HNRNPA2B1: variants seen among roughly 807,000 people sequenced by gnomAD.
HNRNPA2B1 encodes the protein heterogeneous nuclear ribonucleoprotein A2/B1, also known as heterogeneous nuclear ribonucleoproteins A2/B1.
Under a neutral mutation model 46.3 loss-of-function variants are expected in HNRNPA2B1, and 3 were observed. The ratio of observed to expected loss-of-function variants is 0.06; its 90% CI spans 0.03 to 0.17. The LOEUF (loss-of-function observed/expected upper bound fraction) is 0.17, where lower values mean the gene tolerates loss of function less well. Ranked by LOEUF, HNRNPA2B1 falls within the 10% of genes least tolerant of loss-of-function variation. The pLI is 1.00. For synonymous variants in HNRNPA2B1, 225 were observed against 133.8 expected, an observed-to-expected ratio of 1.68 and a Z score of -4.70; for missense variants, 221 against 418.9, an observed-to-expected ratio of 0.53 and a Z score of 4.12.
chr7:26,196,045 A>G (rs1277185891), intron 6 of HNRNPA2B1, 136 bp from the exon 7 acceptor site: 1 of 1,235,626 alleles, frequency 8.1e-7, no homozygotes, highest in Middle Eastern at 2.0e-4. Flanking sequence ...CTACCAGTTT[A>G]CCCACAAAAC....
intron 1 of HNRNPA2B1, chr7:26,198,647 C>G (rs1466991283): frequency 6.6e-6 from 1 of 152,250 alleles, no homozygotes; most frequent in Non-Finnish European, 1.5e-5. Flanking sequence ...GAGCTGAAAT[C>G]TTTATATGCT....
At chr7:26,194,258 T>C (rs1464982216) in intron 7 of HNRNPA2B1, among the ~76,000 whole-genome samples, 1 of 151,976 alleles carries the variant, frequency 6.6e-6, no homozygotes, top group Non-Finnish European at 1.5e-5. Flanking sequence ...TAGCCGGACA[T>C]GGTGGCAGCA....
chr7:26,197,676 T>C lies in HNRNPA2B1; in HGVS notation c.63A>G (p.Thr21=), dbSNP rs1004297557. ...CGTAGTAGTTCCTCAAACTTTCTTC[T>C]GTGGTTTCAAAGCTTAAGCCACCAA... ...LFIGGLSFET[T]EESLRNYYEQ... Residue 21 remains threonine, a synonymous_variant, in exon 2 of 11, where the codon ACA becomes ACG. Transcript: ENST00000618183. 3 of 1,614,090 alleles carry C rather than the reference T, an allele frequency of 1.9e-6. No individual in the cohort carries two copies. Among genetic ancestry groups the C allele is most frequent in the Non-Finnish European group, 2.5e-6 (3 of 1,179,978 alleles).
intron 1 of HNRNPA2B1, chr7:26,198,328 C>T (rs890075555): frequency 6.5e-6 from 1 of 152,936 alleles, no homozygotes; most frequent in Non-Finnish European, 1.5e-5. Flanking sequence ...ATATGACTCT[C>T]AGTTACGAAA....
In HNRNPA2B1 at chr7:26,193,566, A is replaced by C; in HGVS notation, c.841+9T>G. 6.3e-7 allele frequency: 1 copy of C among 1,577,096 alleles called. No homozygotes were observed. ...ATTCCCACATAAAGGTTGCAGGTGA[A>C]TTTATTACCTCCTCCATAGTTGTCA... On this transcript the variant is annotated intron_variant, in intron 8 of 10. Coordinates refer to ENST00000618183, the MANE Select transcript of HNRNPA2B1 (RefSeq NM_002137.4).
chr7:26,197,672 C>G lies in HNRNPA2B1; in HGVS notation c.67G>C (p.Glu23Gln), dbSNP rs1167109409. 6.2e-7 allele frequency: 1 copy of G among 1,614,008 alleles called. No individual in the cohort carries two copies. Among genetic ancestry groups the G allele is most frequent in the Non-Finnish European group, 8.5e-7 (1 of 1,179,974 alleles). The change falls in exon 2 of 11, where the codon GAA (glutamate) becomes CAA (glutamine). Residue 23 changes from glutamate to glutamine, a missense_variant. Physicochemically the swap from Glu to Gln is conservative, Grantham distance 29. This residue lies in a region of HNRNPA2B1 where 78 missense variants were observed against 218.5 expected (regional missense o/e 0.36). Coordinates refer to ENST00000618183, the MANE Select transcript of HNRNPA2B1 (RefSeq NM_002137.4). Reference protein sequence around the residue: ...IGGLSFETTEESLRNYYEQWG... With the variant: ...IGGLSFETTEQSLRNYYEQWG... Reference sequence around the variant, plus strand: ...TGTTCGTAGTAGTTCCTCAAACTTTCTTCTGTGGTTTCAAAGCTTAAGCCA... The same window carrying G: ...TGTTCGTAGTAGTTCCTCAAACTTTGTTCTGTGGTTTCAAAGCTTAAGCCA...
intron 1 of HNRNPA2B1, chr7:26,199,001 C>A (rs1038085788): frequency 1.4e-4 from 22 of 152,296 alleles, no homozygotes; most frequent in African/African-American, 5.3e-4. Context: ...ATCAAACTAG[C>A]TCCTATGAGA....
rs1436007509 is a variant in HNRNPA2B1, at chr7:26,200,737, T to TGCTGCTACTGCCGCTAGA, written c.-161_-160insTCTAGCGGCAGTAGCAGC. ...AGCACCTCCGCACGGGACCCGGCGC[T>TGCTGCTACTGCCGCTAGA]GCTGCTACTGCCGCTAGAGCCGCTG... On this transcript the variant is annotated 5_prime_UTR_variant, in exon 1 of 11. Transcript: ENST00000618183. 3.5e-6 allele frequency: 3 copies of TGCTGCTACTGCCGCTAGA among 863,930 alleles called. No individual in the cohort carries two copies. Among genetic ancestry groups the TGCTGCTACTGCCGCTAGA allele is most frequent in the Non-Finnish European group, 5.7e-6 (3 of 524,768 alleles). 53.5% of individuals were successfully genotyped at this position (863,930 alleles called of 1,614,324 possible).
intron 7 of HNRNPA2B1, among the ~76,000 whole-genome samples, chr7:26,195,004 G>T (rs779300598): frequency 6.9e-6 from 1 of 145,124 alleles, no homozygotes; most frequent in Non-Finnish European, 1.5e-5. Flanking sequence ...TGAGGCAGGA[G>T]AATCACTTGG....
At chr7:26,197,847 G>A in intron 1 of HNRNPA2B1, 115 bp from the exon 2 acceptor site, 1 of 1,599,304 alleles carries the variant, frequency 6.3e-7, no homozygotes, top group Non-Finnish European at 8.5e-7. Context: ...CCTCTCCAAA[G>A]GAACAGTTTC....
intron 7 of HNRNPA2B1, among the ~76,000 whole-genome samples, chr7:26,194,768 T>C (rs1783326117): frequency 1.3e-5 from 2 of 150,254 alleles, no homozygotes; most frequent in South Asian, 4.2e-4. Flanking sequence ...TAAACAAAAA[T>C]TTACACTTTC....
chr7:26,192,924 T>C (rs990224223), intron 9 of HNRNPA2B1, among the ~76,000 whole-genome samples: 3 of 152,124 alleles, frequency 2.0e-5, no homozygotes, highest in Admixed American at 2.0e-4. Context: ...TGAATCATGG[T>C]TTAAGGATTT....
rs1782828769 is a variant in HNRNPA2B1 at position 26,190,824 on chromosome 7, C to A, written c.*1536G>T. 2 of 152,446 alleles carry A rather than the reference C, an allele frequency of 1.3e-5. No homozygotes were observed. The highest frequency in any genetic ancestry group is 3.8e-4 in the East Asian group (2 of 5,202). 9.4% of individuals were successfully genotyped at this position (152,446 alleles called of 1,614,324 possible). Reference sequence around the variant, plus strand: ...CAACCATTTTTGCCCTACCTTCTTTCAGTCTCATCCTGATAAGCATGTACA... The same window carrying A: ...CAACCATTTTTGCCCTACCTTCTTTAAGTCTCATCCTGATAAGCATGTACA... On this transcript the variant is annotated 3_prime_UTR_variant, in exon 11 of 11. Coordinates refer to ENST00000618183, the MANE Select transcript of HNRNPA2B1 (RefSeq NM_002137.4).
At position 26,200,685 on chromosome 7, in the gene HNRNPA2B1, C is replaced by G; in HGVS notation, c.-108G>C. ...GTCCTGGCGCTGTAGTGAGAACTGC[C>G]GCTGCTCGAGAAACAACTCTGCGAG... On this transcript the variant is annotated 5_prime_UTR_variant, in exon 1 of 11. Coordinates refer to ENST00000618183, the MANE Select transcript of HNRNPA2B1 (RefSeq NM_002137.4). The G allele has an allele frequency of 2.1e-6, 3 of 1,403,224 alleles. No individual in the cohort carries two copies. Among genetic ancestry groups the G allele is most frequent in the South Asian group, 1.2e-5 (1 of 86,906 alleles). The allele number at this position is 1,403,224 out of a possible 1,614,324, so 86.9% of individuals were successfully genotyped here. A position where few individuals can be genotyped will look rare whatever the true frequency, so the allele number is the denominator to read the frequency against.
rs1383884724 is a variant in HNRNPA2B1, at chr7:26,191,310, T to C, written c.*1050A>G. The C allele has an allele frequency of 2.0e-5, 3 of 152,196 alleles. No homozygotes were observed. 9.4% of individuals were successfully genotyped at this position (152,196 alleles called of 1,614,324 possible). ...TGAGTTTATAAATTGTTAAACTCAA[T>C]TTATAGCTATGTTAAACTACGTAAG... On this transcript the variant is annotated 3_prime_UTR_variant, in exon 11 of 11. Coordinates refer to ENST00000618183, the MANE Select transcript of HNRNPA2B1 (RefSeq NM_002137.4).
intron 9 of HNRNPA2B1, 59 bp downstream of exon 9, chr7:26,193,192 C>A: frequency 6.5e-7 from 1 of 1,527,182 alleles, no homozygotes. Context: ...CCCTTTAAGT[C>A]ACAAAAGGCT....
rs780994771 is a variant in HNRNPA2B1 at position 26,191,114 on chromosome 7, T to C, written c.*1246A>G. Reference sequence around the variant, plus strand: ...TGTGGCAGCAGAATATACTTGTCCATGGTTCATATCAATGCTAAAATTCCG... The same window carrying C: ...TGTGGCAGCAGAATATACTTGTCCACGGTTCATATCAATGCTAAAATTCCG... On this transcript the variant is annotated 3_prime_UTR_variant, in exon 11 of 11. Transcript: ENST00000618183. The C allele has an allele frequency of 6.7e-6, 1 of 150,024 alleles. No homozygotes were observed. Among genetic ancestry groups the C allele is most frequent in the Non-Finnish European group, 1.5e-5 (1 of 67,714 alleles). The allele number at this position is 150,024 out of a possible 1,614,324, so 9.3% of individuals were successfully genotyped here.
At chr7:26,196,710 G>C (rs1397969730) in intron 4 of HNRNPA2B1, 52 bp from the exon 5 acceptor site, 9 of 1,568,682 alleles carry the variant, frequency 5.7e-6, no homozygotes, top group Non-Finnish European at 7.9e-6. Context: ...ATATTAAGCA[G>C]CTTCAAAAGT....
intron 8 of HNRNPA2B1, 63 bp downstream of exon 8, chr7:26,193,512 A>C: frequency 6.4e-7 from 1 of 1,552,674 alleles, no homozygotes; most frequent in Non-Finnish European, 8.7e-7. Context: ...GAAACAAAAG[A>C]TCAAGTGTTA....
Sources: allele counts gnomAD v4.1 joint callset (sites outside exome capture counted in the v4.1 genomes callset), GRCh38; gene constraint gnomAD v4.1.1; regional missense constraint gnomAD v4.1.1; transcripts MANE v1.5; gene names NCBI Gene and HGNC (gene_info 2026-07-23, HGNC 2026-07-21).